The following BRD4 variants were observed in gnomAD, a reference collection of about 807,000 sequenced individuals.
BRD4 encodes bromodomain containing 4.
BRD4 carries 16 observed loss-of-function variants against 142.1 expected under a neutral mutation model. The ratio of observed to expected loss-of-function variants is 0.11; its 90% CI spans 0.08 to 0.17. The LOEUF is 0.17. BRD4 is among the 10% of genes least tolerant of loss of function. The pLI is 1.00. For missense variants in BRD4, 1,424 were observed against 1,810.9 expected (o/e 0.79, Z 3.88); for synonymous variants, 833 against 707.5 (o/e 1.18, Z -2.82).
At chr19:15,250,936 G>C (rs1253575127) in intron 11 of BRD4, among the ~76,000 whole-genome samples, 2 of 152,196 alleles carry the variant, frequency 1.3e-5, no homozygotes, top group Non-Finnish European at 2.9e-5. Context: ...GGTGGTGGGA[G>C]AGTGGCATTT....
Position 15,280,148 on chromosome 19 carries a change from T to C in BRD4, c.-34-7015A>G, listed in dbSNP as rs949914052. On this transcript the variant is annotated intron_variant, in intron 1 of 19. Transcript: ENST00000679869. Reference sequence around the variant, plus strand: ...TAAAAAGCAGGCTGCGACTTTATCATCTTCATCATCATCCCCATGGGGACA... The same window carrying C: ...TAAAAAGCAGGCTGCGACTTTATCACCTTCATCATCATCCCCATGGGGACA... 6 of 671,504 alleles carry C rather than the reference T, an allele frequency of 8.9e-6. No homozygotes were observed. The Admixed American group carries it at 3.7e-4, about 42-fold the overall frequency. 41.6% of individuals were successfully genotyped at this position (671,504 alleles called of 1,614,324 possible).
intron 1 of BRD4, among the ~76,000 whole-genome samples, chr19:15,308,113 C>T (rs1437715507): frequency 7.1e-5 from 3 of 42,120 alleles, no homozygotes; most frequent in Non-Finnish European, 1.1e-4. Context: ...GAGACTCCGT[C>T]TCAAAAAAAA....
chr19:15,326,651 A>G (rs1288303212), intron 1 of BRD4, among the ~76,000 whole-genome samples: 2 of 152,190 alleles, frequency 1.3e-5, no homozygotes, highest in Non-Finnish European at 2.9e-5. Flanking sequence ...ATGACCATGC[A>G]CTACTTTTGT....
chr19:15,281,941 T>C lies in BRD4; in HGVS notation c.-34-8808A>G, dbSNP rs900400680. Among the ~76,000 whole-genome samples, 3 of 152,198 alleles carry C rather than the reference T, an allele frequency of 2.0e-5. No homozygotes were observed. In the South Asian group the frequency reaches 6.2e-4, roughly 32 times the overall value. ...GCTGAGGCAGGATAATTGCTTGAAC[T>C]TGGGAGGCAGAGGTTGCAGTGAGCC... On this transcript the variant is annotated intron_variant, in intron 1 of 19. Transcript: ENST00000679869.
In BRD4 at chr19:15,244,256, G is replaced by T; in HGVS notation, c.2556C>A (p.Asn852Lys). 6.3e-7 allele frequency: 1 copy of T among 1,579,492 alleles called. No individual in the cohort carries two copies. Among genetic ancestry groups the T allele is most frequent in the Non-Finnish European group, 8.6e-7 (1 of 1,165,162 alleles). ...CTGGAGGAGAGACCACTGCGTGCTG[G>T]TTGAGATGGGGTGGAGTGCTGTGCT... ...PPEHSTPPHL[N>K]QHAVVSPPAL... The change falls in exon 13 of 20, where the codon AAC becomes AAA. Residue 852 changes from asparagine (N) to lysine (K), a missense_variant. Physicochemically the swap from Asn to Lys is moderately conservative, Grantham distance 94. Around this residue, in one of 16 missense-constraint regions of BRD4, gnomAD observed 598 missense variants for 647.8 expected, o/e 0.92. Transcript: ENST00000679869.
intron 7 of BRD4, among the ~76,000 whole-genome samples, chr19:15,263,008 G>C (rs990554101): frequency 6.6e-6 from 1 of 152,314 alleles, no homozygotes; most frequent in Non-Finnish European, 1.5e-5. Flanking sequence ...CCACTCTGCA[G>C]CTAGAAGGCT....
intron 11 of BRD4, chr19:15,247,703 A>C (rs1282046600): frequency 4.3e-6 from 1 of 232,932 alleles, no homozygotes; most frequent in Non-Finnish European, 8.5e-6. Context: ...CTGGGCATGA[A>C]GGCTCTCCTG....
Position 15,238,519 on chromosome 19 carries a change from ACCAGCAGTCAGCCCCGTAG to A in BRD4, c.4021-93_4021-75del. 1 of 1,608,236 alleles carries A rather than the reference ACCAGCAGTCAGCCCCGTAG, an allele frequency of 6.2e-7. No homozygotes were observed. Among genetic ancestry groups the A allele is most frequent in the Middle Eastern group, 2.0e-4 (1 of 4,968 alleles). On this transcript the variant is annotated intron_variant, in intron 19 of 19. Transcript: ENST00000679869. This position sits in a 1 kb window ranked among gnomAD's most constrained non-coding sequence, Gnocchi z 7.2. ...GCAGCTACAAGCCCTCATACCCGCT[ACCAGCAGTCAGCCCCGTAG>A]CCCTCCCCGTGGCTGACCCCTCATA... is the stretch of plus-strand genomic sequence containing the variant.
At chr19:15,250,046 C>T (rs914226174) in intron 11 of BRD4, among the ~76,000 whole-genome samples, 5 of 152,146 alleles carry the variant, frequency 3.3e-5, no homozygotes, top group Non-Finnish European at 4.4e-5. Context: ...TTCCCACCCA[C>T]GTAGCAGAGC....
At chr19:15,247,261 G>A (rs1191043150) in intron 11 of BRD4, 15 of 231,200 alleles carry the variant, frequency 6.5e-5, no homozygotes, top group Admixed American at 4.5e-4. Flanking sequence ...TCTGCACTGA[G>A]CGGCCGCCTC....
chr19:15,245,321 G>A (rs1024407716), intron 11 of BRD4, among the ~76,000 whole-genome samples: 3 of 152,100 alleles, frequency 2.0e-5, no homozygotes, highest in African/African-American at 7.2e-5. Flanking sequence ...CTCAGCTGGG[G>A]CTGAGAGCCA....
intron 1 of BRD4, chr19:15,280,138 G>A (rs1599483764): frequency 3.4e-6 from 2 of 588,900 alleles, no homozygotes; most frequent in Non-Finnish European, 4.3e-6. Context: ...AGCAGGCTGC[G>A]ACTTTATCAT....
chr19:15,257,706 A>T lies in BRD4; in HGVS notation c.1342-533T>A, dbSNP rs949154867. Among the ~76,000 whole-genome samples the T allele has an allele frequency of 3.0e-4, 45 of 152,174 alleles. 1 individual carries two copies. Among genetic ancestry groups the T allele is most frequent in the South Asian group, 2.1e-4 (1 of 4,838 alleles). On this transcript the variant is annotated intron_variant, in intron 7 of 19. Coordinates refer to ENST00000679869, the MANE Select transcript of BRD4 (RefSeq NM_001379291.1). ...CTCTGCTGTAGCAGACACGGTTCTA[A>T]GTCGGTCTCCTCATTCCTCAGATAG...
At chr19:15,298,811 A>G (rs546898420) in intron 1 of BRD4, among the ~76,000 whole-genome samples, 27 of 152,240 alleles carry the variant, frequency 1.8e-4, no homozygotes, top group Admixed American at 4.6e-4. Context: ...AGAATGCCCA[A>G]TCATTCAAAT....
intron 2 of BRD4, among the ~76,000 whole-genome samples, chr19:15,270,629 A>G (rs2047576774): frequency 6.6e-6 from 1 of 152,194 alleles, no homozygotes; most frequent in Non-Finnish European, 1.5e-5. Flanking sequence ...GTGGGGGAAG[A>G]GGAACTGCCA....
At chr19:15,259,113 T>C (rs2047442784) in intron 7 of BRD4, among the ~76,000 whole-genome samples, 1 of 152,090 alleles carries the variant, frequency 6.6e-6, no homozygotes, top group Admixed American at 6.5e-5. Context: ...GGTAGTGCCC[T>C]GGATGTGGGT....
intron 1 of BRD4, among the ~76,000 whole-genome samples, chr19:15,284,732 T>C (rs535945071): frequency 5.9e-5 from 9 of 152,214 alleles, no homozygotes; most frequent in African/African-American, 1.7e-4. Context: ...TGGAAGTAAA[T>C]AGCTGTCACC....
At chr19:15,245,039 G>A in intron 11 of BRD4, 4 of 561,488 alleles carry the variant, frequency 7.1e-6, no homozygotes. Context: ...TGCACCGGAA[G>A]CTGAGAGCTT....
rs2048173254 is a variant in BRD4, at chr19:15,332,535, G to A, written c.-280C>T. 2.0e-5 allele frequency: 3 copies of A among 148,886 alleles called. No homozygotes were observed. Among genetic ancestry groups the A allele is most frequent in the Non-Finnish European group, 4.2e-5 (3 of 72,204 alleles). 9.2% of individuals were successfully genotyped at this position (148,886 alleles called of 1,614,324 possible). A position where few individuals can be genotyped will look rare whatever the true frequency, so the allele number is the denominator to read the frequency against. ...CGCCGCCGCCGCCGCCGCCGCCAGC[G>A]CACTGACGTCACCGCGCACGCTGCG... On this transcript the variant is annotated 5_prime_UTR_variant, in exon 1 of 20. Coordinates refer to ENST00000679869, the MANE Select transcript of BRD4 (RefSeq NM_001379291.1).
Sources: allele counts gnomAD v4.1 joint callset (sites outside exome capture counted in the v4.1 genomes callset), GRCh38; gene constraint gnomAD v4.1.1; regional missense constraint gnomAD v4.1.1; non-coding constraint Gnocchi (gnomAD v3.1); transcripts MANE v1.5; gene names NCBI Gene and HGNC (gene_info 2026-07-23, HGNC 2026-07-21).